The following RORA variants were observed in gnomAD, a reference collection of about 807,000 sequenced individuals.
RORA encodes RAR related orphan receptor A, also known as nuclear receptor ROR-alpha.
RORA carries 7 observed loss-of-function variants against 69.5 expected under a neutral mutation model. That is an observed-to-expected ratio of 0.10 (90% CI 0.06 to 0.19). The LOEUF (loss-of-function observed/expected upper bound fraction) is 0.19. Ranked by LOEUF, RORA falls within the 10% of genes least tolerant of loss-of-function variation. RORA has a pLI of 1.00. For missense variants in RORA, 457 were observed against 663.0 expected (o/e 0.69, Z 3.41); for synonymous variants, 261 against 240.8 (o/e 1.08, Z -0.78).
chr15:61,197,143 C>T (rs903497573), intron 1 of RORA, among the ~76,000 whole-genome samples: 1 of 152,226 alleles, frequency 6.6e-6, no homozygotes, highest in African/African-American at 2.4e-5. Flanking sequence ...CCTGTAATAG[C>T]TGGTTTGAAA....
chr15:60,874,078 C>T (rs2073587839), intron 1 of RORA, among the ~76,000 whole-genome samples: 1 of 152,086 alleles, frequency 6.6e-6, no homozygotes. Context: ...AGCTGTTTAT[C>T]TTAAATCTGG....
intron 1 of RORA, among the ~76,000 whole-genome samples, chr15:60,786,829 C>T (rs1272954022): frequency 1.3e-5 from 2 of 152,258 alleles, no homozygotes; most frequent in Non-Finnish European, 2.9e-5. Context: ...CACTCAGCAA[C>T]AGCTGTGCGA....
intron 1 of RORA, among the ~76,000 whole-genome samples, chr15:60,737,184 A>G (rs1014957569): frequency 6.6e-6 from 1 of 152,176 alleles, no homozygotes; most frequent in African/African-American, 2.4e-5. Context: ...AGAGGGTACA[A>G]TCAGGTGGAT....
chr15:60,925,089 A>T (rs1001065661), intron 1 of RORA, among the ~76,000 whole-genome samples: 54 of 138,264 alleles, frequency 3.9e-4, no homozygotes, highest in African/African-American at 1.3e-3. Context: ...AAAAATAAAT[A>T]AATTAATAAA....
rs559362035 is a variant in RORA, at chr15:60,889,081, C to A, written c.167-210395G>T. Reference sequence around the variant, plus strand: ...ACCTCTCCTGACCCTTCTCTGCCACCCCTAGCCCCGTGCTCAGGGTCAGAG... The same window carrying A: ...ACCTCTCCTGACCCTTCTCTGCCACACCTAGCCCCGTGCTCAGGGTCAGAG... On this transcript the variant is annotated intron_variant, in intron 1 of 10. Transcript: ENST00000335670. Among the ~76,000 whole-genome samples, 10 of 152,314 alleles carry A rather than the reference C, an allele frequency of 6.6e-5. No homozygotes were observed. In the East Asian group the frequency reaches 1.7e-3, roughly 26 times the overall value.
At chr15:60,514,125 TTCTG>T (rs2065788571) in intron 4 of RORA, among the ~76,000 whole-genome samples, 1 of 152,210 alleles carries the variant, frequency 6.6e-6, no homozygotes. Flanking sequence ...TTTTCACACA[TTCTG>T]TATGTACAAA....
intron 2 of RORA, among the ~76,000 whole-genome samples, chr15:60,549,901 A>T (rs1299568098): frequency 1.3e-5 from 2 of 152,238 alleles, no homozygotes; most frequent in Non-Finnish European, 1.5e-5. Flanking sequence ...AATTGTAAGG[A>T]CAACATAGCT....
chr15:60,921,395 C>T (rs1374200291), intron 1 of RORA, among the ~76,000 whole-genome samples: 3 of 152,272 alleles, frequency 2.0e-5, no homozygotes, highest in South Asian at 2.1e-4. Flanking sequence ...ATTCTATGCA[C>T]AGAATGTTAG....
At chr15:60,598,232 AC>A (rs886313037) in intron 2 of RORA, among the ~76,000 whole-genome samples, 3 of 152,208 alleles carry the variant, frequency 2.0e-5, no homozygotes, top group African/African-American at 7.2e-5. Flanking sequence ...TAAAATGTTA[AC>A]CCTTAATCAA....
intron 1 of RORA, among the ~76,000 whole-genome samples, chr15:60,826,706 G>T (rs2072963829): frequency 6.9e-6 from 1 of 145,910 alleles, no homozygotes. Flanking sequence ...GAAAATGACT[G>T]GTACTTTCCT....
intron 1 of RORA, among the ~76,000 whole-genome samples, chr15:60,681,047 A>T (rs527707725): frequency 1.8e-4 from 28 of 152,162 alleles, no homozygotes; most frequent in Non-Finnish European, 3.5e-4. Flanking sequence ...CAATACAAAC[A>T]CACAAAAGGC....
In RORA at chr15:61,229,135, C is replaced by T. The variant is rs2140955622; in HGVS notation, c.84G>A (p.Glu28=). 2 of 1,542,496 alleles carry T rather than the reference C, an allele frequency of 1.3e-6. No individual in the cohort carries two copies. Among genetic ancestry groups the T allele is most frequent in the Admixed American group, 2.0e-5 (1 of 50,770 alleles). The part of the protein sequence containing the change: ...SGADAAAGSR[E]TPLNQESARK... ...GGGCGGATTCCTGGTTCAGCGGGGT[C>T]TCCCTGGAGCCGGCGGCCGCGTCCG... Residue 28 remains glutamate (E), a synonymous_variant, in exon 1 of 11, where the codon GAG becomes GAA. Coordinates refer to ENST00000335670, the MANE Select transcript of RORA (RefSeq NM_134261.3).
intron 1 of RORA, among the ~76,000 whole-genome samples, chr15:60,927,876 G>A (rs537967674): frequency 1.3e-5 from 2 of 152,334 alleles, no homozygotes; most frequent in East Asian, 3.9e-4. Flanking sequence ...TCATTTTATA[G>A]AGCAGGATAC....
At chr15:60,946,232 G>A (rs1015309219) in intron 1 of RORA, among the ~76,000 whole-genome samples, 3 of 116,126 alleles carry the variant, frequency 2.6e-5, no homozygotes, top group East Asian at 4.3e-4. Context: ...AAATGACTCC[G>A]ACTCCCTCTC....
intron 1 of RORA, among the ~76,000 whole-genome samples, chr15:60,908,204 G>A (rs575814553): frequency 7.7e-4 from 117 of 152,342 alleles, no homozygotes; most frequent in African/African-American, 2.6e-3. Flanking sequence ...TGGCCTTGAG[G>A]GGACATGCAC....
At chr15:61,003,495 G>A (rs1737407855) in intron 1 of RORA, among the ~76,000 whole-genome samples, 1 of 152,162 alleles carries the variant, frequency 6.6e-6, no homozygotes, top group South Asian at 2.1e-4. Context: ...ATATATGAAT[G>A]CAGGCCCACT....
At chr15:61,191,018 A>AC (rs1334938823) in intron 1 of RORA, among the ~76,000 whole-genome samples, 2 of 152,142 alleles carry the variant, frequency 1.3e-5, no homozygotes, top group African/African-American at 4.8e-5. Flanking sequence ...CCAAAAAAAA[A>AC]AATACTAAAT....
chr15:60,810,719 GTT>G (rs34086386), intron 1 of RORA, among the ~76,000 whole-genome samples: 4,003 of 147,118 alleles, frequency 0.027, 56 homozygotes, highest in Non-Finnish European at 0.032. Flanking sequence ...TTTCCCTCCA[GTT>G]TTTTTTTTTT....
intron 1 of RORA, among the ~76,000 whole-genome samples, chr15:60,914,699 G>C (rs1177824862): frequency 6.6e-6 from 1 of 152,216 alleles, no homozygotes; most frequent in African/African-American, 2.4e-5. Flanking sequence ...TGACTGGGAA[G>C]TAATCTGTGA....
Sources: gnomAD v4.1 joint callset for allele counts (sites outside exome capture counted in the v4.1 genomes callset) on GRCh38, gnomAD v4.1.1 for gene constraint, MANE v1.5 for transcripts, NCBI Gene and HGNC (gene_info 2026-07-23, HGNC 2026-07-21) for gene names.